Variants in SHTN1 observed in about 807,000 individuals in gnomAD.
SHTN1 encodes shootin 1.
A neutral mutation model predicts 83.1 loss-of-function variants in SHTN1; 42 were observed. The ratio of observed to expected loss-of-function variants is 0.51; its 90% CI spans 0.39 to 0.65. The LOEUF is 0.65. Ranked by LOEUF, SHTN1 falls within the 30% of genes least tolerant of loss-of-function variation. SHTN1 has a pLI of 0.00. For synonymous variants in SHTN1, 224 were observed against 247.7 expected (o/e 0.90, Z 0.90); for missense variants, 622 against 737.8 (o/e 0.84, Z 1.82).
At chr10:116,907,465 T>A (rs1848016436) in intron 14 of SHTN1, among the ~76,000 whole-genome samples, 1 of 152,184 alleles carries the variant, frequency 6.6e-6, no homozygotes, top group Admixed American at 6.5e-5. Flanking sequence ...CTGCTGAAAC[T>A]GATACTGGCT....
chr10:117,068,126 T>A (rs1046213054), intron 1 of SHTN1, among the ~76,000 whole-genome samples: 4 of 152,118 alleles, frequency 2.6e-5, no homozygotes, highest in Admixed American at 2.0e-4. Context: ...GCACGGTGGC[T>A]CACGTCTGTA....
intron 9 of SHTN1, among the ~76,000 whole-genome samples, chr10:116,939,468 G>C (rs1225264774): frequency 6.6e-6 from 1 of 152,162 alleles, no homozygotes; most frequent in Non-Finnish European, 1.5e-5. Flanking sequence ...ACCCCACCTT[G>C]CTTCAGCTCA....
chr10:116,946,090 A>T (rs550562234), intron 7 of SHTN1, among the ~76,000 whole-genome samples: 111 of 151,986 alleles, frequency 7.3e-4, no homozygotes, highest in African/African-American at 2.6e-3. Context: ...TAAAAATTCA[A>T]GGGAGGGGTA....
intron 12 of SHTN1, among the ~76,000 whole-genome samples, chr10:116,919,388 C>T (rs917251346): frequency 6.6e-6 from 1 of 152,116 alleles, no homozygotes; most frequent in African/African-American, 2.4e-5. Context: ...AGAGCAACTT[C>T]TATATTGGTA....
intron 1 of SHTN1, among the ~76,000 whole-genome samples, chr10:117,052,322 G>A (rs1852757937): frequency 1.3e-5 from 2 of 151,844 alleles, no homozygotes; most frequent in South Asian, 4.2e-4. Flanking sequence ...TGTACTAGAA[G>A]ACTTACTATT....
chr10:117,123,647 G>T (rs887069323), intron 1 of SHTN1, among the ~76,000 whole-genome samples: 1 of 151,946 alleles, frequency 6.6e-6, no homozygotes, highest in African/African-American at 2.4e-5. Context: ...GCTCACGCCT[G>T]TAATCCCAAC....
upstream of SHTN1, chr10:117,005,320 A>T: frequency 1.5e-6 from 2 of 1,311,942 alleles, no homozygotes; most frequent in Non-Finnish European, 2.0e-6. Flanking sequence ...AGTCCCGTTC[A>T]GGGGGTGGAG....
chr10:116,902,679 C>T (rs989394750), intron 15 of SHTN1, among the ~76,000 whole-genome samples: 3 of 152,188 alleles, frequency 2.0e-5, no homozygotes, highest in African/African-American at 7.2e-5. Flanking sequence ...CAGTTTTTCT[C>T]AAAGCATGAT....
intron 1 of SHTN1, among the ~76,000 whole-genome samples, chr10:117,097,030 GACACACACACACACAC>G (rs5788209): frequency 6.7e-6 from 1 of 148,950 alleles, no homozygotes; most frequent in Non-Finnish European, 1.5e-5. Context: ...CACACACATA[GACACACACACACACAC>G]ACACACACAC....
chr10:117,121,136 T>C (rs980259014), intron 1 of SHTN1, among the ~76,000 whole-genome samples: 1 of 152,110 alleles, frequency 6.6e-6, no homozygotes, highest in East Asian at 1.9e-4. Flanking sequence ...TATTAAATTA[T>C]CACAGGTACC....
chr10:117,054,406 C>CTTT (rs1214269438), intron 1 of SHTN1, among the ~76,000 whole-genome samples: 2 of 138,470 alleles, frequency 1.4e-5, no homozygotes, highest in Non-Finnish European at 1.6e-5. Context: ...GCATCCTTAT[C>CTTT]TTTTTTTTTT....
chr10:116,978,825 A>G (rs958977711), intron 2 of SHTN1, among the ~76,000 whole-genome samples: 2 of 152,234 alleles, frequency 1.3e-5, no homozygotes, highest in Non-Finnish European at 2.9e-5. Flanking sequence ...ACATATAAAG[A>G]TTTATGGAGG....
chr10:116,902,429 A>G lies in SHTN1; in HGVS notation c.1481-472T>C, dbSNP rs191310596. Among the ~76,000 whole-genome samples the G allele has an allele frequency of 6.3e-3, 965 of 152,322 alleles. 8 individuals are homozygous for G. Among genetic ancestry groups the G allele is most frequent in the Middle Eastern group, 0.031 (9 of 294 alleles). On this transcript the variant is annotated intron_variant, in intron 15 of 16. Transcript: ENST00000355371. ...TGAGCATTAAACAGTTTTTATGAAC[A>G]TTTTCATTTTAATGTGAATGAGAAG... is the stretch of plus-strand genomic sequence containing the variant.
intron 14 of SHTN1, among the ~76,000 whole-genome samples, chr10:116,909,226 T>C (rs1848093234): frequency 6.6e-6 from 1 of 152,144 alleles, no homozygotes; most frequent in South Asian, 2.1e-4. Context: ...ACCAATACTC[T>C]TTTTCTACTT....
chr10:116,949,355 C>T (rs1372013444), intron 6 of SHTN1, among the ~76,000 whole-genome samples: 6 of 152,022 alleles, frequency 3.9e-5, no homozygotes, highest in Non-Finnish European at 7.4e-5. Flanking sequence ...GTCTCGAACT[C>T]CTGGGCTCAA....
rs757316038 is a variant in SHTN1, at chr10:116,901,911, C to T, written c.1527G>A (p.Val509=). 6.2e-7 allele frequency: 1 copy of T among 1,606,648 alleles called. No individual in the cohort carries two copies. Among genetic ancestry groups the T allele is most frequent in the Non-Finnish European group, 8.5e-7 (1 of 1,177,460 alleles). The part of the protein sequence containing the change: ...LATSESKSMP[V]LGSVSSVTKT... ...TTGTTACACTGGATACAGAACCCAA[C>T]ACTGGCATGGATTTGGACTCTGAGG... The change falls in exon 16 of 17, where the codon GTG becomes GTA. Residue 509 remains valine (V), a synonymous_variant. Coordinates refer to ENST00000355371, the MANE Select transcript of SHTN1 (RefSeq NM_001127211.3).
At chr10:116,953,070 C>T (rs1392788211) in intron 5 of SHTN1, among the ~76,000 whole-genome samples, 1 of 152,174 alleles carries the variant, frequency 6.6e-6, no homozygotes, top group Non-Finnish European at 1.5e-5. Context: ...AAGATGGTGT[C>T]TGTAACATCC....
chr10:116,962,979 G>A (rs917604720), intron 3 of SHTN1, among the ~76,000 whole-genome samples: 36 of 136,272 alleles, frequency 2.6e-4, no homozygotes, highest in African/African-American at 6.2e-4. Context: ...GTCACATGAC[G>A]CAAAACAGAA....
intron 12 of SHTN1, among the ~76,000 whole-genome samples, chr10:116,917,430 G>A (rs1589804792): frequency 6.6e-6 from 1 of 152,098 alleles, no homozygotes; most frequent in Non-Finnish European, 1.5e-5. Flanking sequence ...TCAGCCTCTC[G>A]AGTAGCTGGG....
Sources: allele counts gnomAD v4.1 joint callset (sites outside exome capture counted in the v4.1 genomes callset), GRCh38; gene constraint gnomAD v4.1.1; transcripts MANE v1.5; gene names NCBI Gene and HGNC (gene_info 2026-07-23, HGNC 2026-07-21).